The following RERE variants were observed in gnomAD, a reference collection of about 807,000 sequenced individuals.
RERE encodes arginine-glutamic acid dipeptide repeats.
RERE carries 40 observed loss-of-function variants against 146.1 expected under a neutral mutation model. The ratio of observed to expected loss-of-function variants is 0.27; its 90% confidence interval spans 0.21 to 0.36. The LOEUF (loss-of-function observed/expected upper bound fraction) is 0.36. Among genes scored for constraint, RERE ranks in the 10% least tolerant of loss-of-function variants. RERE has a pLI of 1.00. For missense variants in RERE, 1,933 were observed against 2,138.7 expected, an observed-to-expected ratio of 0.90 and a Z score of 1.90; for synonymous variants, 1,003 against 866.0, an observed-to-expected ratio of 1.16 and a Z score of -2.78.
chr1:8,604,542 T>C (rs1201919221), intron 4 of RERE, among the ~76,000 whole-genome samples: 3 of 134,804 alleles, frequency 2.2e-5, no homozygotes, highest in African/African-American at 8.5e-5. Context: ...GAAGAGGAGG[T>C]ACCAGTCAAT....
chr1:8,619,794 C>T lies in RERE; in HGVS notation c.396+4516G>A, dbSNP rs1001178487. ...ATATGATTTTATTGTTTTTCGTAAA[C>T]AAACAAATCATTTCTTTTAGAACTA... On this transcript the variant is annotated intron_variant, in intron 3 of 22. Coordinates refer to ENST00000400908, the MANE Select transcript of RERE (RefSeq NM_001042681.2). Among the ~76,000 whole-genome samples the T allele has an allele frequency of 9.2e-5, 14 of 152,258 alleles. No individual in the cohort carries two copies. The East Asian group carries it at 1.2e-3, about 13-fold the overall frequency.
At chr1:8,817,125 G>C (rs537425042) in intron 1 of RERE, 35 bp downstream of exon 1, 3 of 152,424 alleles carry the variant, frequency 2.0e-5, no homozygotes, top group South Asian at 2.1e-4. Context: ...AAAAAAGAAA[G>C]CACACGACCC....
intron 11 of RERE, among the ~76,000 whole-genome samples, chr1:8,460,486 G>C (rs1644512392): frequency 1.3e-5 from 2 of 152,168 alleles, no homozygotes; most frequent in Non-Finnish European, 1.5e-5. Context: ...GGAAGATTTA[G>C]ATGTTTTAAA....
chr1:8,374,118 GCCGAAGGGCTCTGATCTAAA>G (rs1484124349), intron 12 of RERE, among the ~76,000 whole-genome samples: 5 of 152,198 alleles, frequency 3.3e-5, no homozygotes. Context: ...CGTTCAAGAG[GCCGAAGGGCTCTGATCTAAA>G]CCGCCACCCA....
intron 11 of RERE, among the ~76,000 whole-genome samples, chr1:8,426,251 G>A (rs997552934): frequency 4.6e-5 from 7 of 151,958 alleles, no homozygotes; most frequent in African/African-American, 1.5e-4. Flanking sequence ...CCAGGAGATC[G>A]AGACCATCCT....
chr1:8,409,971 ATTTTTTTTTTTTTTTT>A (rs57424627), intron 12 of RERE, among the ~76,000 whole-genome samples: 15 of 95,390 alleles, frequency 1.6e-4, no homozygotes, highest in African/African-American at 5.3e-4. Flanking sequence ...CAATCAGGCA[ATTTTTTTTTTTTTTTT>A]TTTTTTTTTT....
intron 11 of RERE, among the ~76,000 whole-genome samples, chr1:8,450,933 A>G (rs899531062): frequency 3.9e-5 from 6 of 152,118 alleles, no homozygotes; most frequent in African/African-American, 1.4e-4. Context: ...GGTGCTCTTT[A>G]TTCCAGCCTA....
intron 3 of RERE, among the ~76,000 whole-genome samples, chr1:8,617,726 T>C (rs924696325): frequency 3.3e-5 from 5 of 152,186 alleles, no homozygotes; most frequent in African/African-American, 1.2e-4. Context: ...TGGCCTTTTC[T>C]GGGAGGTTCA....
At chr1:8,435,529 G>T (rs1014403136) in intron 11 of RERE, among the ~76,000 whole-genome samples, 2 of 152,146 alleles carry the variant, frequency 1.3e-5, no homozygotes, top group Non-Finnish European at 2.9e-5. Context: ...AAAACCATTA[G>T]ATGTTCTTCG....
At chr1:8,782,059 C>T (rs1014994415) in intron 1 of RERE, among the ~76,000 whole-genome samples, 1 of 152,078 alleles carries the variant, frequency 6.6e-6, no homozygotes, top group African/African-American at 2.4e-5. Context: ...AGCAAATATC[C>T]TCAAAAAGGT....
chr1:8,404,770 G>A (rs1643391242), intron 12 of RERE, among the ~76,000 whole-genome samples: 1 of 152,190 alleles, frequency 6.6e-6, no homozygotes, highest in African/African-American at 2.4e-5. Context: ...TGGGCTAGGT[G>A]GCAGCAGACT....
intron 1 of RERE, among the ~76,000 whole-genome samples, chr1:8,807,734 T>C (rs748150872): frequency 2.6e-5 from 4 of 152,162 alleles, no homozygotes; most frequent in African/African-American, 4.8e-5. Context: ...TGTGTTCTTG[T>C]TCTTGGTCAT....
At chr1:8,409,476 G>T (rs541653075) in intron 12 of RERE, among the ~76,000 whole-genome samples, 1 of 152,288 alleles carries the variant, frequency 6.6e-6, no homozygotes, top group South Asian at 2.1e-4. Context: ...CAGGGGGAAG[G>T]CTCAATGAAA....
intron 1 of RERE, chr1:8,750,710 A>C (rs1640515233): frequency 1.2e-6 from 1 of 808,564 alleles, no homozygotes; most frequent in South Asian, 1.3e-5. Flanking sequence ...TGTCATCAGG[A>C]CCAGAGGTAT....
At chr1:8,687,015 C>G (rs1557481439) in intron 1 of RERE, among the ~76,000 whole-genome samples, 1 of 152,164 alleles carries the variant, frequency 6.6e-6, no homozygotes, top group African/African-American at 2.4e-5. Flanking sequence ...AACTGGAGAT[C>G]TGGGTACAGA....
intron 2 of RERE, among the ~76,000 whole-genome samples, chr1:8,626,222 C>T (rs549132669): frequency 3.3e-5 from 5 of 152,166 alleles, no homozygotes; most frequent in Admixed American, 6.6e-5. Context: ...AACTGTAGCT[C>T]CAAATTACAC....
rs35096712 is a variant in RERE, at chr1:8,433,553, C to CTTTTTTTTT, written c.1204-10755_1204-10747dup. Among the ~76,000 whole-genome samples the CTTTTTTTTT allele has an allele frequency of 1.5e-5, 2 of 130,202 alleles. 1 individual carries two copies. Among genetic ancestry groups the CTTTTTTTTT allele is most frequent in the Non-Finnish European group, 3.2e-5 (2 of 62,380 alleles). 85.4% of individuals were successfully genotyped at this position (130,202 alleles called of 152,430 possible). On this transcript the variant is annotated intron_variant, in intron 11 of 22. Coordinates refer to ENST00000400908, the MANE Select transcript of RERE (RefSeq NM_001042681.2). ...CCTCTGAGTAACAGTCCATTCATTT[C>CTTTTTTTTT]TTTTTTTTTTTTTTTTTTGAGACGG...
At position 8,358,587 on chromosome 1, in the gene RERE, C is replaced by A. The variant is rs758887321; in HGVS notation, c.3948G>T (p.Glu1316Asp). Residue 1316 changes from glutamate to aspartate, a missense_variant, in exon 20 of 23, where the codon GAG becomes GAT. Physicochemically the swap from Glu to Asp is conservative, Grantham distance 45. This residue lies in a region of RERE where 1,255 missense variants were observed against 1,153.8 expected (regional missense o/e 1.09). Transcript: ENST00000400908. ...GCTTCATCCTCTCCCGCAGCTCCCG[C>A]TCTCGGATCTCCCGCTCTCGGATCT... ...EREIREREIRERELRERMKPG... is the reference protein window; with the variant it reads ...EREIREREIRDRELRERMKPG... 2 of 1,601,810 alleles carry A rather than the reference C, an allele frequency of 1.2e-6. No homozygotes were observed. The highest frequency in any genetic ancestry group is 8.5e-7 in the Non-Finnish European group (1 of 1,174,112).
At chr1:8,715,022 C>T (rs1313643275) in intron 1 of RERE, among the ~76,000 whole-genome samples, 8 of 151,548 alleles carry the variant, frequency 5.3e-5, no homozygotes, top group South Asian at 2.1e-4. Flanking sequence ...TACAGGCGTG[C>T]GCTACCACGC....
Sources: gnomAD v4.1 joint callset for allele counts (sites outside exome capture counted in the v4.1 genomes callset) on GRCh38, gnomAD v4.1.1 for gene constraint, gnomAD v4.1.1 regional missense constraint, MANE v1.5 for transcripts, NCBI Gene and HGNC (gene_info 2026-07-23, HGNC 2026-07-21) for gene names.